Variants in RAP1GAP2 observed in about 807,000 individuals in gnomAD.
RAP1GAP2 encodes the protein rap1 GTPase-activating protein 2.
In RAP1GAP2, 27 loss-of-function variants were observed where a neutral mutation model predicts 95.0. The observed-to-expected ratio is 0.28, with a 90% CI of 0.21 to 0.39. The LOEUF is 0.39. Among genes scored for constraint, RAP1GAP2 ranks in the 10% least tolerant of loss-of-function variants. RAP1GAP2 has a pLI of 1.00. For missense variants in RAP1GAP2, 771 were observed against 970.0 expected (o/e 0.79, Z 2.72); for synonymous variants, 373 against 380.9 (o/e 0.98, Z 0.24).
chr17:2,807,979 T>C (rs2069593883), intron 2 of RAP1GAP2, among the ~76,000 whole-genome samples: 1 of 152,146 alleles, frequency 6.6e-6, no homozygotes, highest in African/African-American at 2.4e-5. Flanking sequence ...CTCGGGAAGT[T>C]CGCACTGTTT....
intron 2 of RAP1GAP2, among the ~76,000 whole-genome samples, chr17:2,873,670 T>C (rs1295898432): frequency 6.6e-6 from 1 of 152,024 alleles, no homozygotes; most frequent in African/African-American, 2.4e-5. Context: ...CAGTTTCCTT[T>C]TGGGGTGATG....
At chr17:2,876,024 G>GC (rs958543472) in intron 2 of RAP1GAP2, among the ~76,000 whole-genome samples, 1 of 150,684 alleles carries the variant, frequency 6.6e-6, no homozygotes, top group African/African-American at 2.4e-5. Flanking sequence ...CACAATCTCC[G>GC]CCCCCCGGGT....
At chr17:2,962,268 A>G (rs1277799989) in intron 4 of RAP1GAP2, 1 of 213,866 alleles carries the variant, frequency 4.7e-6, no homozygotes, top group Non-Finnish European at 9.2e-6. Context: ...CACAGCATTT[A>G]TTATATACCA....
intron 2 of RAP1GAP2, among the ~76,000 whole-genome samples, chr17:2,771,368 C>T (rs1310632062): frequency 1.3e-5 from 2 of 152,118 alleles, no homozygotes; most frequent in African/African-American, 2.4e-5. Context: ...TGGCCAGCAT[C>T]GGCAGTCACA....
At chr17:2,782,059 T>C in intron 1 of RAP1GAP2, among the ~76,000 whole-genome samples, 1 of 152,260 alleles carries the variant, frequency 6.6e-6, no homozygotes, top group East Asian at 1.9e-4. Context: ...CTCAAGAGTG[T>C]GCCCATCTGG....
Position 3,005,246 on chromosome 17 carries a change from T to G in RAP1GAP2, c.1201-123T>G. 3 of 983,708 alleles carry G rather than the reference T, an allele frequency of 3.0e-6. No homozygotes were observed. The highest frequency in any genetic ancestry group is 1.6e-5 in the African/African-American group (1 of 62,782). The allele number at this position is 983,708 out of a possible 1,614,324, so 60.9% of individuals were successfully genotyped here. A position where few individuals can be genotyped will look rare whatever the true frequency, so the allele number is the denominator to read the frequency against. Reference sequence around the variant, plus strand: ...GTGCTGGCGATGCTCACAGGAGTATTTTGTTTGTGTTCTGGGAAGAGGAGG... The same window carrying G: ...GTGCTGGCGATGCTCACAGGAGTATGTTGTTTGTGTTCTGGGAAGAGGAGG... On this transcript the variant is annotated intron_variant, in intron 14 of 24. Transcript: ENST00000254695. This position sits in a 1 kb window ranked among gnomAD's most constrained non-coding sequence, Gnocchi z 5.2.
chr17:3,016,191 A>G (rs1597880989), intron 17 of RAP1GAP2, among the ~76,000 whole-genome samples: 1 of 152,136 alleles, frequency 6.6e-6, no homozygotes. Context: ...GATCATTGTC[A>G]TGGTTTTGTC....
chr17:2,962,871 C>A, intron 5 of RAP1GAP2, 157 bp downstream of exon 5: 1 of 697,770 alleles, frequency 1.4e-6, no homozygotes, highest in Non-Finnish European at 2.3e-6. Flanking sequence ...CTTGTTAGAC[C>A]AGTGCACGGT....
chr17:2,897,861 T>C (rs2041890971), intron 2 of RAP1GAP2, among the ~76,000 whole-genome samples: 1 of 151,798 alleles, frequency 6.6e-6, no homozygotes, highest in Non-Finnish European at 1.5e-5. Flanking sequence ...GCTCTCTGCA[T>C]CCGTGAACCC....
At chr17:2,908,232 G>C (rs568908479) in intron 3 of RAP1GAP2, among the ~76,000 whole-genome samples, 1 of 152,208 alleles carries the variant, frequency 6.6e-6, no homozygotes, top group Admixed American at 6.6e-5. Context: ...AAGAGGAACC[G>C]GAGGGAGATC....
chr17:2,797,362 G>A lies in RAP1GAP2; in HGVS notation c.44+791G>A, dbSNP rs989194143. On this transcript the variant is annotated intron_variant, in intron 1 of 24. Transcript: ENST00000254695. This position sits in a 1 kb window ranked among gnomAD's most constrained non-coding sequence, Gnocchi z 5.6. ...GAAGGTAGGCACACGAAGGCCAAAG[G>A]CTTGTCTCTGGTTCCCAGTGCTGGC... Among the ~76,000 whole-genome samples, 1 of 152,204 alleles carries A rather than the reference G, an allele frequency of 6.6e-6. No individual in the cohort carries two copies. The highest frequency in any genetic ancestry group is 1.9e-4 in the East Asian group (1 of 5,198).
intron 2 of RAP1GAP2, among the ~76,000 whole-genome samples, chr17:2,813,158 G>A (rs933928394): frequency 1.3e-5 from 2 of 150,292 alleles, no homozygotes; most frequent in South Asian, 2.1e-4. Context: ...TGCAACCTCC[G>A]CCTCCCAGGT....
At chr17:2,833,757 G>A (rs141846284) in intron 2 of RAP1GAP2, among the ~76,000 whole-genome samples, 2 of 150,840 alleles carry the variant, frequency 1.3e-5, no homozygotes, top group African/African-American at 4.9e-5. Context: ...GTCTACACAT[G>A]AAAGTGTTTC....
chr17:2,796,313 C>T, upstream of RAP1GAP2: 1 of 580,960 alleles, frequency 1.7e-6, no homozygotes, highest in Non-Finnish European at 3.1e-6. This position sits in a 1 kb window ranked among gnomAD's most constrained non-coding sequence, Gnocchi z 4.7. Context: ...ACCTCCTCGG[C>T]CTATCTTGGT....
chr17:2,865,089 G>A (rs931557643), intron 2 of RAP1GAP2, among the ~76,000 whole-genome samples: 1 of 152,158 alleles, frequency 6.6e-6, no homozygotes, highest in Non-Finnish European at 1.5e-5. Context: ...GTATAACAGA[G>A]CTGGGATTCC....
chr17:2,886,598 C>T (rs1467509674), intron 2 of RAP1GAP2, among the ~76,000 whole-genome samples: 3 of 152,180 alleles, frequency 2.0e-5, no homozygotes, highest in African/African-American at 7.2e-5. Context: ...AGGCATTTAG[C>T]GAAGCAAAAA....
intron 17 of RAP1GAP2, among the ~76,000 whole-genome samples, chr17:3,015,710 G>A (rs1478477265): frequency 1.3e-5 from 2 of 152,124 alleles, no homozygotes; most frequent in Non-Finnish European, 2.9e-5. Flanking sequence ...CCAGCTACTC[G>A]GGAGGCTGAG....
Position 2,963,310 on chromosome 17 carries a change from C to G in RAP1GAP2, c.247-120C>G, listed in dbSNP as rs930419725. 4 of 1,130,170 alleles carry G rather than the reference C, an allele frequency of 3.5e-6. No homozygotes were observed. The African/African-American group carries it at 6.1e-5, about 17-fold the overall frequency. 70.0% of individuals were successfully genotyped at this position (1,130,170 alleles called of 1,614,324 possible). ...AGCTGATTCTGAGCTGTTCTTCCAT[C>G]GAATGTTCCTCCCTCAAAGCCCCCC... is the stretch of plus-strand genomic sequence containing the variant. On this transcript the variant is annotated intron_variant, in intron 5 of 24. Coordinates refer to ENST00000254695, the MANE Select transcript of RAP1GAP2 (RefSeq NM_015085.5). This position sits in a 1 kb window ranked among gnomAD's most constrained non-coding sequence, Gnocchi z 4.8.
intron 9 of RAP1GAP2, 76 bp downstream of exon 9, chr17:2,980,441 A>G (rs2045315478): frequency 1.4e-6 from 2 of 1,438,832 alleles, no homozygotes; most frequent in Admixed American, 3.4e-5. Flanking sequence ...GGGTGCAGGT[A>G]TATCCTGGGT....
Sources: allele counts gnomAD v4.1 joint callset (sites outside exome capture counted in the v4.1 genomes callset), GRCh38; gene constraint gnomAD v4.1.1; non-coding constraint Gnocchi (gnomAD v3.1); transcripts MANE v1.5; gene names NCBI Gene and HGNC (gene_info 2026-07-23, HGNC 2026-07-21).